KY: variants seen among roughly 807,000 people sequenced by gnomAD.
KY encodes the protein kyphoscoliosis peptidase.
A neutral mutation model predicts 76.1 loss-of-function variants in KY; 43 were observed. That is an observed-to-expected ratio of 0.57 (90% confidence interval 0.44 to 0.73). KY has a LOEUF of 0.73. Ranked by LOEUF, KY falls within the 30% of genes least tolerant of loss-of-function variation. The pLI, the probability that KY is intolerant of heterozygous loss-of-function variation, is 0.00. For synonymous variants in KY, 277 were observed against 326.2 expected, an observed-to-expected ratio of 0.85 and a Z score of 1.63; for missense variants, 722 against 828.9, an observed-to-expected ratio of 0.87 and a Z score of 1.58.
intron 8 of KY, among the ~76,000 whole-genome samples, chr3:134,616,001 A>C (rs760809732): frequency 5.9e-5 from 9 of 152,240 alleles, no homozygotes; most frequent in Non-Finnish European, 1.2e-4. Context: ...AACGTCTCTG[A>C]AACCTGCTAG....
rs1359661978 is a variant in KY at position 134,603,285 on chromosome 3, A to G, written c.*294T>C. 4 of 275,116 alleles carry G rather than the reference A, an allele frequency of 1.5e-5. No homozygotes were observed. The highest frequency in any genetic ancestry group is 5.2e-5 in the Admixed American group (1 of 19,358). 17.0% of individuals were successfully genotyped at this position (275,116 alleles called of 1,614,324 possible). A position where few individuals can be genotyped will look rare whatever the true frequency, so the allele number is the denominator to read the frequency against. On this transcript the variant is annotated 3_prime_UTR_variant, in exon 11 of 11. Transcript: ENST00000423778. Reference sequence around the variant, plus strand: ...CAACAACAACAGCAGCAGCACTAATACGAGAAGGGGCATCTGGATGCAGGT... The same window carrying G: ...CAACAACAACAGCAGCAGCACTAATGCGAGAAGGGGCATCTGGATGCAGGT...
chr3:134,612,159 T>C (rs1380502074), intron 8 of KY, among the ~76,000 whole-genome samples: 1 of 152,182 alleles, frequency 6.6e-6, no homozygotes, highest in Non-Finnish European at 1.5e-5. Context: ...TGCCTGTTGC[T>C]TCACAAAAGG....
intron 8 of KY, chr3:134,615,426 C>T (rs1458439905): frequency 2.0e-5 from 3 of 146,602 alleles, no homozygotes; most frequent in Non-Finnish European, 3.0e-5. Flanking sequence ...TCATATTCCT[C>T]ATAGCTGACA....
At chr3:134,629,735 GC>G in intron 3 of KY, 40 bp from the exon 4 acceptor site, 1 of 1,339,616 alleles carries the variant, frequency 7.5e-7, no homozygotes, top group African/African-American at 1.4e-5. Context: ...ACCAGATGCT[GC>G]CAGGAAAGGG....
At position 134,646,289 on chromosome 3, in the gene KY, C is replaced by T. The variant is rs116618000; in HGVS notation, c.199+1146G>A. Among the ~76,000 whole-genome samples the T allele has an allele frequency of 1.5e-3, 223 of 152,312 alleles. 1 individual carries two copies. The highest frequency in any genetic ancestry group is 5.2e-3 in the African/African-American group (216 of 41,572). Reference sequence around the variant, plus strand: ...GCAAGATTACAGGGAAGCCATTGCACCCATGCATGCCTGTCAGGGTGGCTC... The same window carrying T: ...GCAAGATTACAGGGAAGCCATTGCATCCATGCATGCCTGTCAGGGTGGCTC... On this transcript the variant is annotated intron_variant, in intron 2 of 10. Coordinates refer to ENST00000423778, the MANE Select transcript of KY (RefSeq NM_178554.6).
Position 134,646,036 on chromosome 3 carries a change from C to T in KY, c.199+1399G>A, listed in dbSNP as rs1177036399. ...GAGACAGCTGCAACCAACAAGGATG[C>T]TGTGCTTCTTTGTTTCCACCTGTGG... On this transcript the variant is annotated intron_variant, in intron 2 of 10. Transcript: ENST00000423778. 2.0e-5 allele frequency among the ~76,000 whole-genome samples: 3 copies of T among 152,236 alleles called. No individual in the cohort carries two copies. In the East Asian group the frequency reaches 5.8e-4, roughly 29 times the overall value.
intron 10 of KY, chr3:134,608,311 T>G (rs1959615858): frequency 1.6e-6 from 2 of 1,239,244 alleles, no homozygotes. Context: ...AGCTAGGAAG[T>G]GCCCAGCCCT....
chr3:134,629,538 T>C, intron 4 of KY, 83 bp downstream of exon 4: 1 of 1,035,440 alleles, frequency 9.7e-7, no homozygotes, highest in South Asian at 1.4e-5. Flanking sequence ...CCTCAGAAGA[T>C]GCTTGGGCTG....
intron 6 of KY, among the ~76,000 whole-genome samples, chr3:134,623,577 C>T (rs915429589): frequency 6.6e-6 from 1 of 150,744 alleles, no homozygotes; most frequent in Non-Finnish European, 1.5e-5. Flanking sequence ...CCCCCCTACT[C>T]TCCTCAGTTC....
intron 1 of KY, among the ~76,000 whole-genome samples, chr3:134,648,857 A>G (rs770595695): frequency 1.3e-5 from 2 of 152,178 alleles, no homozygotes; most frequent in Non-Finnish European, 2.9e-5. Context: ...TATATAACCA[A>G]GGAAGATCCA....
chr3:134,601,952 G>T lies in KY; in HGVS notation c.*1627C>A, dbSNP rs184904994. Among the ~76,000 whole-genome samples, 30 of 152,348 alleles carry T rather than the reference G, an allele frequency of 2.0e-4. No individual in the cohort carries two copies. The East Asian group carries it at 5.4e-3, about 27-fold the overall frequency. On this transcript the variant is annotated 3_prime_UTR_variant, in exon 11 of 11. Transcript: ENST00000423778. ...TGGATGGCAGGGGCCGGGCCCCCTT[G>T]GTTCACCTCTGTAGCCCAAGCATCT...
chr3:134,613,335 A>G (rs1960881432), intron 8 of KY: 1 of 152,650 alleles, frequency 6.6e-6, no homozygotes, highest in Non-Finnish European at 1.5e-5. Flanking sequence ...TCCTGCCCTC[A>G]AGGGAGTGAA....
rs1958890609 is a variant in KY, at chr3:134,599,972, C to T, written c.*3607G>A. ...TATTGAAAAACAACACCAGCAACAACATGGAGAAAGCATACTCAACAGCCA... is the reference window on the plus strand; with the variant it reads ...TATTGAAAAACAACACCAGCAACAATATGGAGAAAGCATACTCAACAGCCA... On this transcript the variant is annotated 3_prime_UTR_variant, in exon 11 of 11. Coordinates refer to ENST00000423778, the MANE Select transcript of KY (RefSeq NM_178554.6). Among the ~76,000 whole-genome samples, 1 of 152,138 alleles carries T rather than the reference C, an allele frequency of 6.6e-6. No individual in the cohort carries two copies. Among genetic ancestry groups the T allele is most frequent in the African/African-American group, 2.4e-5 (1 of 41,418 alleles).
chr3:134,605,728 C>A (rs985050825), intron 10 of KY, among the ~76,000 whole-genome samples: 3 of 152,080 alleles, frequency 2.0e-5, no homozygotes, highest in Admixed American at 2.0e-4. Context: ...AGTGACTTCC[C>A]TCTGCCCCCA....
chr3:134,628,126 G>T, intron 4 of KY: 1 of 380,932 alleles, frequency 2.6e-6, no homozygotes, highest in Non-Finnish European at 4.8e-6. Flanking sequence ...CCTGGAACCT[G>T]GTGTTCCTGC....
At chr3:134,612,965 A>G (rs1960803187) in intron 8 of KY, 1 of 152,876 alleles carries the variant, frequency 6.5e-6, no homozygotes, top group African/African-American at 2.4e-5. Flanking sequence ...TGAGAATTGG[A>G]AAAAAAGCCA....
intron 6 of KY, among the ~76,000 whole-genome samples, chr3:134,623,597 C>G (rs1159204344): frequency 6.6e-6 from 1 of 150,824 alleles, no homozygotes; most frequent in Non-Finnish European, 1.5e-5. Context: ...CTGCTCATGT[C>G]TAGCCTCCCC....
intron 7 of KY, among the ~76,000 whole-genome samples, chr3:134,620,189 A>G (rs1004888617): frequency 6.6e-6 from 1 of 152,130 alleles, no homozygotes; most frequent in Admixed American, 6.5e-5. Flanking sequence ...TCCCAAGGCC[A>G]TCCTGTGGAG....
intron 5 of KY, 29 bp downstream of exon 5, chr3:134,627,727 G>T: frequency 1.2e-6 from 2 of 1,604,966 alleles, no homozygotes; most frequent in African/African-American, 1.3e-5. Context: ...GCTCTCTTGA[G>T]AATTGTCCTG....
Sources: gnomAD v4.1 joint callset for allele counts (sites outside exome capture counted in the v4.1 genomes callset) on GRCh38, gnomAD v4.1.1 for gene constraint, MANE v1.5 for transcripts, NCBI Gene and HGNC (gene_info 2026-07-23, HGNC 2026-07-21) for gene names.